NXPE4: variants seen among roughly 807,000 people sequenced by gnomAD.
NXPE4 encodes the protein NXPE family member 4.
In NXPE4, 42 loss-of-function variants were observed where a neutral mutation model predicts 33.3. That is an observed-to-expected ratio of 1.26 (90% CI 0.98 to 1.63). NXPE4 has a LOEUF of 1.63. Ranked by LOEUF, NXPE4 falls within the 40% of genes most tolerant of loss-of-function variation. The pLI is 0.00. For synonymous variants in NXPE4, 253 were observed against 234.9 expected (o/e 1.08, Z -0.71); for missense variants, 709 against 647.6 (o/e 1.09, Z -1.03).
At chr11:114,600,753 C>A (rs1252441130), upstream of NXPE4, among the ~76,000 whole-genome samples, 1 of 151,846 alleles carries the variant, frequency 6.6e-6, no homozygotes, top group Non-Finnish European at 1.5e-5. Context: ...TACTAGTGTA[C>A]CAATGTTAAT....
the NXPE4 span, among the ~76,000 whole-genome samples, chr11:114,667,503 G>A: frequency 6.6e-6 from 1 of 152,102 alleles, no homozygotes; most frequent in East Asian, 1.9e-4. Context: ...CACCTCTTGA[G>A]TAATAATGGA....
chr11:114,641,299 G>A, the NXPE4 span, among the ~76,000 whole-genome samples: 8 of 152,076 alleles, frequency 5.3e-5, no homozygotes, highest in South Asian at 1.7e-3. Context: ...GAAAGGTAGT[G>A]TAAAAAATCC....
At chr11:114,670,411 C>A in the NXPE4 span, among the ~76,000 whole-genome samples, 1 of 151,966 alleles carries the variant, frequency 6.6e-6, no homozygotes, top group Non-Finnish European at 1.5e-5. Flanking sequence ...AACAAACAAG[C>A]AGGCCAAGCG....
the NXPE4 span, among the ~76,000 whole-genome samples, chr11:114,605,410 T>A: frequency 6.6e-6 from 1 of 151,874 alleles, no homozygotes; most frequent in Non-Finnish European, 1.5e-5. Flanking sequence ...ACCTGGTGGA[T>A]AATAAGTATT....
chr11:114,606,221 G>T, the NXPE4 span, among the ~76,000 whole-genome samples: 23 of 151,728 alleles, frequency 1.5e-4, no homozygotes, highest in Non-Finnish European at 3.1e-4. Context: ...ATTGCCTCAT[G>T]GGTAACCACT....
chr11:114,662,175 AC>A, the NXPE4 span, among the ~76,000 whole-genome samples: 2 of 152,126 alleles, frequency 1.3e-5, no homozygotes, highest in Non-Finnish European at 1.5e-5. Flanking sequence ...ACACAACCCC[AC>A]CATCAACCCC....
the NXPE4 span, among the ~76,000 whole-genome samples, chr11:114,676,812 A>G: frequency 6.6e-6 from 1 of 152,062 alleles, no homozygotes; most frequent in African/African-American, 2.4e-5. Context: ...CTCCCATGTT[A>G]ATTGCAGCAA....
At chr11:114,605,415 A>G in the NXPE4 span, among the ~76,000 whole-genome samples, 56 of 152,056 alleles carry the variant, frequency 3.7e-4, no homozygotes, top group African/African-American at 1.3e-3. Flanking sequence ...GTGGATAATA[A>G]GTATTGCCTC....
the NXPE4 span, among the ~76,000 whole-genome samples, chr11:114,617,433 T>C: frequency 5.9e-5 from 9 of 152,010 alleles, no homozygotes; most frequent in Non-Finnish European, 1.3e-4. Context: ...GGGTGGATAA[T>C]AAGTATTGCC....
At chr11:114,617,506 C>G in the NXPE4 span, among the ~76,000 whole-genome samples, 31 of 152,118 alleles carry the variant, frequency 2.0e-4, no homozygotes, top group East Asian at 4.3e-3. Flanking sequence ...CCACTGTTAA[C>G]CGGTGGATAA....
the NXPE4 span, among the ~76,000 whole-genome samples, chr11:114,637,041 C>T: frequency 6.6e-6 from 1 of 152,042 alleles, no homozygotes; most frequent in Non-Finnish European, 1.5e-5. Flanking sequence ...TCTCATTGAT[C>T]TGTCTAATGT....
chr11:114,632,435 T>C, the NXPE4 span, among the ~76,000 whole-genome samples: 2 of 130,728 alleles, frequency 1.5e-5, no homozygotes, highest in African/African-American at 2.8e-5. Context: ...AATATAAATA[T>C]ATAATATATA....
chr11:114,633,170 T>C, the NXPE4 span, among the ~76,000 whole-genome samples: 1 of 129,228 alleles, frequency 7.7e-6, no homozygotes, highest in Non-Finnish European at 1.5e-5. Context: ...TTATTTTATA[T>C]AATTTATATG....
the NXPE4 span, among the ~76,000 whole-genome samples, chr11:114,612,318 C>G: frequency 2.6e-5 from 4 of 151,938 alleles, no homozygotes; most frequent in South Asian, 8.3e-4. Context: ...CAGGTAACCA[C>G]TGTTACCTGG....
chr11:114,602,468 A>G, the NXPE4 span, among the ~76,000 whole-genome samples: 6 of 135,566 alleles, frequency 4.4e-5, no homozygotes, highest in African/African-American at 1.1e-4. Context: ...TAATATATAA[A>G]TTATAGATTA....
At chr11:114,632,427 TATAA>T in the NXPE4 span, among the ~76,000 whole-genome samples, 2 of 131,432 alleles carry the variant, frequency 1.5e-5, no homozygotes, top group African/African-American at 2.8e-5. Flanking sequence ...ATAATATAAA[TATAA>T]ATATATAATA....
chr11:114,605,939 T>C, the NXPE4 span, among the ~76,000 whole-genome samples: 1 of 151,824 alleles, frequency 6.6e-6, no homozygotes. Context: ...GAAACCACTG[T>C]TACCTGGTGG....
At chr11:114,605,268 C>T in the NXPE4 span, among the ~76,000 whole-genome samples, 1 of 151,898 alleles carries the variant, frequency 6.6e-6, no homozygotes, top group Non-Finnish European at 1.5e-5. Flanking sequence ...CGTGGGAAAC[C>T]ACTGTTACCT....
At chr11:114,621,549 G>A in the NXPE4 span, among the ~76,000 whole-genome samples, 30,719 of 152,044 alleles carry the variant, frequency 0.2, 3,685 homozygotes, top group African/African-American at 0.33. Context: ...TGGATAATAA[G>A]TATTACCTCT....
Sources: gnomAD v4.1 joint callset for allele counts (sites outside exome capture counted in the v4.1 genomes callset) on GRCh38, gnomAD v4.1.1 for gene constraint, MANE v1.5 for transcripts, NCBI Gene and HGNC (gene_info 2026-07-23, HGNC 2026-07-21) for gene names.